PCDHA8: variants seen among roughly 807,000 people sequenced by gnomAD.
PCDHA8 encodes protocadherin alpha 8, also known as protocadherin alpha-8.
In PCDHA8, 53 loss-of-function variants were observed where a neutral mutation model predicts 61.8. The observed-to-expected ratio is 0.86, with a 90% CI of 0.69 to 1.08. PCDHA8 has a LOEUF of 1.08. PCDHA8 is among the 50% of genes least tolerant of loss of function. PCDHA8 has a pLI of 0.00. For missense variants in PCDHA8, 1,293 were observed against 1,245.0 expected (o/e 1.04, Z -0.58); for synonymous variants, 618 against 556.6 (o/e 1.11, Z -1.55).
rs199809889 is a variant in PCDHA8, at chr5:140,883,348, A to C, written c.2394+39633A>C. On this transcript the variant is annotated intron_variant, in intron 1 of 3. Transcript: ENST00000531613. ...TCACTTCTTTGTCACTCCCCATCAGAGAAGACACTCAGCCTAGCGCCATTA... is the reference window on the plus strand; with the variant it reads ...TCACTTCTTTGTCACTCCCCATCAGCGAAGACACTCAGCCTAGCGCCATTA... The C allele has an allele frequency of 1.9e-6, 3 of 1,614,172 alleles. No homozygotes were observed. In the African/African-American group the frequency reaches 4.0e-5, roughly 22 times the overall value.
intron 1 of PCDHA8, among the ~76,000 whole-genome samples, chr5:140,915,282 T>C (rs2077058994): frequency 2.0e-5 from 3 of 152,152 alleles, no homozygotes; most frequent in South Asian, 2.1e-4. Flanking sequence ...CATCATTTAC[T>C]CTTTCTACTT....
Position 140,841,423 on chromosome 5 carries a change from C to A in PCDHA8, c.102C>A (p.Ser34=), listed in dbSNP as rs139433967. The A allele has an allele frequency of 1.2e-6, 2 of 1,610,284 alleles. No individual in the cohort carries two copies. The highest frequency in any genetic ancestry group is 3.4e-5 in the Admixed American group (2 of 59,696). ...WKVGSGQLHY[S]VPEEAKHGTF... is the part of the protein sequence containing the mutation. ...TGGGGAGCGGCCAGCTCCACTACTC[C>A]GTCCCCGAGGAGGCCAAACACGGCA... is the stretch of plus-strand genomic sequence containing the variant. The change falls in exon 1 of 4, where the codon TCC becomes TCA. Residue 34 remains serine, a synonymous_variant. Transcript: ENST00000531613.
intron 1 of PCDHA8, chr5:140,870,710 CGCGCGATGCGG>C (rs1554164626): frequency 1.2e-6 from 2 of 1,612,974 alleles, no homozygotes; most frequent in African/African-American, 2.7e-5. Context: ...CAGGTGAGCG[CGCGCGATGCGG>C]GCGTGCCGCC....
intron 1 of PCDHA8, among the ~76,000 whole-genome samples, chr5:140,896,631 C>A (rs1583239619): frequency 6.6e-6 from 1 of 152,014 alleles, no homozygotes; most frequent in East Asian, 1.9e-4. Context: ...CCTGCCTTGG[C>A]CTCCCAAAGT....
At chr5:140,875,447 C>G (rs532829491) in intron 1 of PCDHA8, 1 of 1,584,206 alleles carries the variant, frequency 6.3e-7, no homozygotes, top group African/African-American at 1.4e-5. Flanking sequence ...CTGATTGTCC[C>G]AACTCAGAGG....
intron 1 of PCDHA8, among the ~76,000 whole-genome samples, chr5:140,914,207 A>C (rs1485868934): frequency 6.6e-6 from 1 of 152,060 alleles, no homozygotes; most frequent in Admixed American, 6.6e-5. Context: ...TGTGATCTCT[A>C]TCTCTCTTTT....
chr5:140,882,438 C>A lies in PCDHA8; in HGVS notation c.2394+38723C>A, dbSNP rs782795158. On this transcript the variant is annotated intron_variant, in intron 1 of 3. Coordinates refer to ENST00000531613, the MANE Select transcript of PCDHA8 (RefSeq NM_018911.3). ...GCTCAGGACCTGGGGCTGGAGCTGG[C>A]GGAGCTGGTGCCGCGCCTGTTCCGG... 3.1e-6 allele frequency: 5 copies of A among 1,613,902 alleles called. No individual in the cohort carries two copies. In the Admixed American group the frequency reaches 5.0e-5, roughly 16 times the overall value.
rs782621350 is a variant in PCDHA8 at position 140,876,591 on chromosome 5, C to T, written c.2394+32876C>T. ...TGGGTACCGTCATTGCCCTGATTAG[C>T]GTGTCGGATCGTGACTCTGGAGCCA... On this transcript the variant is annotated intron_variant, in intron 1 of 3. Transcript: ENST00000531613. 9.5e-5 allele frequency: 153 copies of T among 1,614,058 alleles called. 1 individual carries two copies. The highest frequency in any genetic ancestry group is 8.2e-4 in the Middle Eastern group (5 of 6,082).
intron 1 of PCDHA8, chr5:140,850,828 C>T: frequency 6.3e-7 from 1 of 1,598,230 alleles, no homozygotes; most frequent in African/African-American, 1.3e-5. Context: ...GGCCTTTCTC[C>T]TTGTGCTGGA....
At chr5:140,999,419 G>A (rs2097856786) in intron 3 of PCDHA8, among the ~76,000 whole-genome samples, 1 of 152,182 alleles carries the variant, frequency 6.6e-6, no homozygotes, top group Non-Finnish European at 1.5e-5. Flanking sequence ...TGGGAGCTAA[G>A]AGGCCAAGTA....
intron 1 of PCDHA8, among the ~76,000 whole-genome samples, chr5:140,938,877 ACACACACACACACAGATGCG>A (rs1350432569): frequency 6.6e-6 from 1 of 150,854 alleles, no homozygotes; most frequent in Non-Finnish European, 1.5e-5. Flanking sequence ...TTAAGAAGCA[ACACACACACACACAGATGCG>A]CACACACACA....
rs543899552 is a variant in PCDHA8 at position 140,891,287 on chromosome 5, A to T, written c.2394+47572A>T. ...AATTTTTCCGTAAGTTATTGGGGGT[A>T]CAGGTGGTATTTGATTACATGAGTA... is the stretch of plus-strand genomic sequence containing the variant. On this transcript the variant is annotated intron_variant, in intron 1 of 3. Transcript: ENST00000531613. 3.9e-5 allele frequency among the ~76,000 whole-genome samples: 6 copies of T among 152,176 alleles called. No individual in the cohort carries two copies. In the South Asian group the frequency reaches 6.2e-4, roughly 16 times the overall value.
Position 140,843,375 on chromosome 5 carries a change from G to A in PCDHA8, c.2054G>A (p.Gly685Asp). The change falls in exon 1 of 4, where the codon GGC becomes GAC. Residue 685 changes from glycine (G) to aspartate (D), a missense_variant. Transcript: ENST00000531613. ...AAAGCGTCATCGAGGCAGTCGGCTG[G>A]CGTTTTGGGTCCGGAAGCGGCGCTG... ...APKASSRQSA[G>D]VLGPEAALVD... 2 of 1,596,166 alleles carry A rather than the reference G, an allele frequency of 1.3e-6. No individual in the cohort carries two copies. The highest frequency in any genetic ancestry group is 1.7e-6 in the Non-Finnish European group (2 of 1,165,634).
chr5:140,968,489 C>T (rs1024952304), intron 1 of PCDHA8: 30 of 1,614,008 alleles, frequency 1.9e-5, no homozygotes, highest in Non-Finnish European at 2.5e-5. Context: ...CATGAATGAC[C>T]ATGCCCCTCA....
chr5:140,856,721 G>A (rs1043107454), intron 1 of PCDHA8: 7 of 1,596,646 alleles, frequency 4.4e-6, no homozygotes, highest in South Asian at 1.1e-5. Context: ...TACCGGATCT[G>A]TTTCTCTGCT....
Position 140,842,575 on chromosome 5 carries a change from G to A in PCDHA8, c.1254G>A (p.Val418=), listed in dbSNP as rs2150339697. Residue 418 remains valine, a synonymous_variant, in exon 1 of 4, where the codon GTG becomes GTA. Transcript: ENST00000531613. The part of the protein sequence containing the change: ...VLDSALDRER[V]SAYELVVTAR... The stretch of plus-strand genomic sequence containing the variant: ...ACAGCGCCCTGGACCGCGAGAGAGT[G>A]TCGGCCTATGAGTTGGTGGTAACCG... 1 of 1,509,128 alleles carries A rather than the reference G, an allele frequency of 6.6e-7. No homozygotes were observed. The highest frequency in any genetic ancestry group is 1.2e-5 in the South Asian group (1 of 85,904). 93.5% of individuals were successfully genotyped at this position (1,509,128 alleles called of 1,614,324 possible).
chr5:140,925,570 A>G (rs531387558), intron 1 of PCDHA8, among the ~76,000 whole-genome samples: 1 of 152,008 alleles, frequency 6.6e-6, no homozygotes, highest in African/African-American at 2.4e-5. Flanking sequence ...TGGGTGCAGC[A>G]CACCAACATG....
Position 140,842,245 on chromosome 5 carries a change from G to A in PCDHA8, c.924G>A (p.Leu308=). 6.2e-7 allele frequency: 1 copy of A among 1,611,970 alleles called. No homozygotes were observed. The change falls in exon 1 of 4, where the codon TTG becomes TTA. Residue 308 remains leucine (L), a synonymous_variant. Coordinates refer to ENST00000531613, the MANE Select transcript of PCDHA8 (RefSeq NM_018911.3). ...GAGAAATAGTGATTCGGGGTAATTTGGATTTTGAACAAGAAAACTTATACA... is the reference window on the plus strand; with the variant it reads ...GAGAAATAGTGATTCGGGGTAATTTAGATTTTGAACAAGAAAACTTATACA... ...NTGEIVIRGN[L]DFEQENLYKI... is the part of the protein sequence containing the mutation.
chr5:140,879,064 G>C (rs1389510074), intron 1 of PCDHA8, among the ~76,000 whole-genome samples: 1 of 152,214 alleles, frequency 6.6e-6, no homozygotes, highest in South Asian at 2.1e-4. Flanking sequence ...TACCAAGAAA[G>C]TGTTAAGAGA....
Sources: allele counts gnomAD v4.1 joint callset (sites outside exome capture counted in the v4.1 genomes callset), GRCh38; gene constraint gnomAD v4.1.1; transcripts MANE v1.5; gene names NCBI Gene and HGNC (gene_info 2026-07-23, HGNC 2026-07-21).